The following ESR2 variants were observed in gnomAD, a reference collection of about 807,000 sequenced individuals.
The protein encoded by ESR2 is estrogen receptor 2, also known as estrogen receptor beta.
In ESR2, 36 loss-of-function variants were observed where a neutral mutation model predicts 49.6. The ratio of observed to expected loss-of-function variants is 0.73; its 90% CI spans 0.56 to 0.96. The LOEUF (loss-of-function observed/expected upper bound fraction) is 0.96. ESR2 is among the 40% of genes least tolerant of loss of function. The probability of loss-of-function intolerance (pLI) is 0.00; values close to 1 mark genes in which losing one functional copy is unlikely to be tolerated. For synonymous variants in ESR2, 320 were observed against 266.1 expected, an observed-to-expected ratio of 1.20 and a Z score of -1.97; for missense variants, 714 against 693.0, an observed-to-expected ratio of 1.03 and a Z score of -0.34.
chr14:64,277,963 T>G (rs1454701033), intron 3 of ESR2, among the ~76,000 whole-genome samples: 1 of 106,244 alleles, frequency 9.4e-6, no homozygotes, highest in Non-Finnish European at 1.8e-5. Flanking sequence ...CAGACCAATG[T>G]TTCCCCAAAA....
At chr14:64,241,364 A>T (rs568037459) in intron 7 of ESR2, among the ~76,000 whole-genome samples, 1 of 152,272 alleles carries the variant, frequency 6.6e-6, no homozygotes, top group South Asian at 2.1e-4. Context: ...CATCAATACC[A>T]CATTATCTTC....
intron 7 of ESR2, among the ~76,000 whole-genome samples, chr14:64,236,209 G>A (rs748321142): frequency 1.7e-4 from 26 of 152,272 alleles, no homozygotes; most frequent in Admixed American, 7.8e-4. Context: ...GCACAATTAC[G>A]TAAGTGTAGT....
At chr14:64,301,282 T>C (rs2077017834) in intron 1 of ESR2, 1 of 152,218 alleles carries the variant, frequency 6.6e-6, no homozygotes, top group Admixed American at 6.5e-5. Flanking sequence ...ATCAGGAATT[T>C]TGTGGACTTT....
chr14:64,331,822 CAAAAAAAAAAA>C (rs368932180), intron 1 of ESR2, among the ~76,000 whole-genome samples: 2 of 52,418 alleles, frequency 3.8e-5, no homozygotes, highest in African/African-American at 1.4e-4. Flanking sequence ...GACTCCATCT[CAAAAAAAAAAA>C]AAAAAAAAAA....
chr14:64,227,722 G>A, downstream of ESR2: 5 of 1,580,064 alleles, frequency 3.2e-6, no homozygotes, highest in South Asian at 4.7e-5. Context: ...CTCAGGATAA[G>A]GGCCTTTAAG....
intron 4 of ESR2, among the ~76,000 whole-genome samples, chr14:64,262,057 T>C (rs1311123348): frequency 6.6e-6 from 1 of 152,214 alleles, no homozygotes; most frequent in African/African-American, 2.4e-5. Flanking sequence ...CGCTTTACTT[T>C]GTATGTTTTA....
chr14:64,300,549 C>T (rs978115929), intron 1 of ESR2, among the ~76,000 whole-genome samples: 6 of 152,058 alleles, frequency 3.9e-5, no homozygotes, highest in African/African-American at 7.2e-5. Context: ...CGCTCGAGCC[C>T]AGGAGTTCAA....
At chr14:64,260,877 C>A in intron 4 of ESR2, 129 bp from the exon 5 acceptor site, 1 of 766,052 alleles carries the variant, frequency 1.3e-6, no homozygotes, top group East Asian at 3.3e-5. Context: ...ACCGTACTAG[C>A]AAAACCAACG....
rs1056289649 is a variant in ESR2, at chr14:64,229,998, G to A, written c.*3139C>T. On this transcript the variant is annotated 3_prime_UTR_variant, in exon 9 of 9. Transcript: ENST00000341099. ...GTTCAGGACCAGCCTGGGGAGCATA[G>A]TAAAACCCCATCTCTACAAATATTA... is the stretch of plus-strand genomic sequence containing the variant. 6.6e-6 allele frequency among the ~76,000 whole-genome samples: 1 copy of A among 152,012 alleles called. No homozygotes were observed. Among genetic ancestry groups the A allele is most frequent in the Non-Finnish European group, 1.5e-5 (1 of 68,012 alleles).
chr14:64,317,713 A>G (rs1013065594), intron 1 of ESR2, among the ~76,000 whole-genome samples: 1 of 152,192 alleles, frequency 6.6e-6, no homozygotes. Context: ...TCAACCTTCA[A>G]AAATCAATGT....
intron 1 of ESR2, among the ~76,000 whole-genome samples, chr14:64,323,488 G>C (rs1212161843): frequency 6.6e-6 from 1 of 151,188 alleles, no homozygotes; most frequent in Admixed American, 6.6e-5. Flanking sequence ...TTACAGGTGT[G>C]AGCCACCATG....
At chr14:64,296,473 T>G (rs2076959801), upstream of ESR2, among the ~76,000 whole-genome samples, 1 of 152,232 alleles carries the variant, frequency 6.6e-6, no homozygotes, top group South Asian at 2.1e-4. Context: ...TACCCCCATT[T>G]TATACTTGAG....
At chr14:64,295,687 C>T (rs1400667742), upstream of ESR2, among the ~76,000 whole-genome samples, 1 of 152,174 alleles carries the variant, frequency 6.6e-6, no homozygotes, top group South Asian at 2.1e-4. Flanking sequence ...CTCAAAGTAC[C>T]CAGTCCCCAT....
rs201349732 is a variant in ESR2 at position 64,260,470 on chromosome 14, T to C, written c.931A>G (p.Ser311Gly). 73 of 1,525,238 alleles carry C rather than the reference T, an allele frequency of 4.8e-5. No homozygotes were observed. Among genetic ancestry groups the C allele is most frequent in the Non-Finnish European group, 6.2e-5 (71 of 1,137,836 alleles). The allele number at this position is 1,525,238 out of a possible 1,614,324, so 94.5% of individuals were successfully genotyped here. Residue 311 changes from serine to glycine, a missense_variant, in exon 5 of 9, where the codon AGC becomes GGC. Transcript: ENST00000341099. The part of the protein sequence containing the change: ...LADKELVHMI[S>G]WAKKIPGFVE... ...CTACCGGGAATCTTCTTGGCCCAGC[T>C]GATCATGTGTACCAACTCCTTGTCG... is the stretch of plus-strand genomic sequence containing the variant.
intron 1 of ESR2, among the ~76,000 whole-genome samples, chr14:64,309,872 G>A (rs189507133): frequency 3.3e-5 from 5 of 151,864 alleles, no homozygotes; most frequent in South Asian, 4.2e-4. Flanking sequence ...GGATCACAAG[G>A]TCAGGAGATC....
Position 64,228,792 on chromosome 14 carries a change from A to AC in ESR2, c.*4344_*4345insG, listed in dbSNP as rs1555568459. Among the ~76,000 whole-genome samples, 203 of 152,310 alleles carry AC rather than the reference A, an allele frequency of 1.3e-3. No homozygotes were observed. Among genetic ancestry groups the AC allele is most frequent in the African/African-American group, 4.7e-3 (196 of 41,558 alleles). On this transcript the variant is annotated 3_prime_UTR_variant, in exon 9 of 9. Coordinates refer to ENST00000341099, the MANE Select transcript of ESR2 (RefSeq NM_001437.3). ...AAGTGAATAGGATCCTCGGAATTAA[A>AC]AAACAAACAAACAAACAAACAAAAA...
intron 1 of ESR2, among the ~76,000 whole-genome samples, chr14:64,331,822 CA>C (rs368932180): frequency 4.5e-3 from 238 of 52,440 alleles, no homozygotes; most frequent in African/African-American, 6.6e-3. Flanking sequence ...GACTCCATCT[CA>C]AAAAAAAAAA....
chr14:64,284,350 G>A (rs2076747685), intron 1 of ESR2, among the ~76,000 whole-genome samples: 1 of 151,634 alleles, frequency 6.6e-6, no homozygotes, highest in African/African-American at 2.4e-5. Context: ...TTTTGAGATG[G>A]AGTTTCACTC....
At chr14:64,270,732 A>G (rs1170616931) in intron 3 of ESR2, among the ~76,000 whole-genome samples, 5 of 152,202 alleles carry the variant, frequency 3.3e-5, no homozygotes, top group African/African-American at 1.2e-4. Context: ...CTGGTCTCGA[A>G]TTCCTGACCT....
Sources: allele counts gnomAD v4.1 joint callset (sites outside exome capture counted in the v4.1 genomes callset), GRCh38; gene constraint gnomAD v4.1.1; transcripts MANE v1.5; gene names NCBI Gene and HGNC (gene_info 2026-07-23, HGNC 2026-07-21).